Variants in ESR1 observed in about 807,000 individuals in gnomAD.
ESR1 encodes estrogen receptor 1, also known as estrogen receptor.
A neutral mutation model predicts 52.7 loss-of-function variants in ESR1; 12 were observed. That is an observed-to-expected ratio of 0.23 (90% CI 0.15 to 0.37). ESR1 has a LOEUF of 0.37. ESR1 is among the 10% of genes least tolerant of loss of function. The pLI is 1.00. For missense variants in ESR1, 584 were observed against 779.7 expected (o/e 0.75, Z 2.99); for synonymous variants, 305 against 316.8 (o/e 0.96, Z 0.39).
At position 151,752,820 on chromosome 6, in the gene ESR1, C is replaced by T. The variant is rs562798972; in HGVS notation, c.-71+50815C>T. Among the ~76,000 whole-genome samples the T allele has an allele frequency of 1.1e-4, 16 of 152,226 alleles. No individual in the cohort carries two copies. The South Asian group carries it at 3.1e-3, about 30-fold the overall frequency. On this transcript the variant is annotated intron_variant, in intron 2 of 2. Coordinates refer to the ESR1 transcript ENST00000404742. ...CTTTCTCTGATTTACTGCTTTTTCT[C>T]TTTTAGAGGATATTGTAGGAGAAAA...
At chr6:152,011,282 A>G (rs559353458) in intron 4 of ESR1, among the ~76,000 whole-genome samples, 1 of 152,266 alleles carries the variant, frequency 6.6e-6, no homozygotes, top group Admixed American at 6.5e-5. Flanking sequence ...TAAATTTCTT[A>G]GCACCTTAGC....
chr6:151,920,905 C>A (rs2031521548), intron 3 of ESR1, among the ~76,000 whole-genome samples: 1 of 151,970 alleles, frequency 6.6e-6, no homozygotes, highest in South Asian at 2.1e-4. Flanking sequence ...TTGGAAGAAG[C>A]CATTTTGTGC....
chr6:151,782,314 T>A (rs1013566623), intron 2 of ESR1, among the ~76,000 whole-genome samples: 1 of 152,202 alleles, frequency 6.6e-6, no homozygotes, highest in African/African-American at 2.4e-5. Flanking sequence ...GAAACAAGAA[T>A]GTGTTTTTAT....
At chr6:151,901,622 T>G (rs1203722860) in intron 3 of ESR1, among the ~76,000 whole-genome samples, 1 of 152,218 alleles carries the variant, frequency 6.6e-6, no homozygotes, top group Non-Finnish European at 1.5e-5. Context: ...TCCCCTTGCT[T>G]TCTCTACCCT....
chr6:151,717,039 G>A (rs1055783947), intron 2 of ESR1, among the ~76,000 whole-genome samples: 9 of 152,224 alleles, frequency 5.9e-5, no homozygotes, highest in Non-Finnish European at 1.0e-4. Flanking sequence ...CATGGGAAAA[G>A]TGTAGTATCT....
chr6:152,064,311 A>G (rs1262409208), intron 6 of ESR1, among the ~76,000 whole-genome samples: 1 of 152,228 alleles, frequency 6.6e-6, no homozygotes, highest in African/African-American at 2.4e-5. Context: ...GGAGCTGCAA[A>G]GGGGGCCATG....
rs758989283 is a variant in ESR1, at chr6:152,096,662, C to G, written c.1554-2070C>G. On this transcript the variant is annotated intron_variant, in intron 7 of 7. Transcript: ENST00000206249. The stretch of plus-strand genomic sequence containing the variant: ...GATTGCAATCTCTGTTCTCAGGGTT[C>G]CCCAAGGATTCCTGTGTAACAGATG... The G allele has an allele frequency of 6.1e-5, 28 of 455,840 alleles. No homozygotes were observed. In the Middle Eastern group the frequency reaches 9.7e-4, roughly 16 times the overall value. 28.2% of individuals were successfully genotyped at this position (455,840 alleles called of 1,614,324 possible).
chr6:151,747,123 G>A (rs1048852803), intron 2 of ESR1, among the ~76,000 whole-genome samples: 1 of 152,096 alleles, frequency 6.6e-6, no homozygotes, highest in Non-Finnish European at 1.5e-5. Context: ...TTAAAATGTG[G>A]ACTAATCAAT....
intron 6 of ESR1, among the ~76,000 whole-genome samples, chr6:152,081,662 G>A (rs763631165): frequency 6.6e-5 from 10 of 151,512 alleles, no homozygotes; most frequent in South Asian, 2.1e-4. Context: ...ACAAAAAGCC[G>A]TTCAAAAAAT....
chr6:151,731,360 G>GAA (rs75318062), intron 2 of ESR1, among the ~76,000 whole-genome samples: 1 of 140,588 alleles, frequency 7.1e-6, no homozygotes, highest in African/African-American at 2.6e-5. Flanking sequence ...CATCTCTCAA[G>GAA]AAAAAAAAAA....
chr6:152,123,286 G>A (rs1239408044), intron 6 of ESR1, among the ~76,000 whole-genome samples: 4 of 152,158 alleles, frequency 2.6e-5, no homozygotes, highest in African/African-American at 4.8e-5. Context: ...AAAGCTGTAC[G>A]AACAAGGAAT....
At chr6:151,760,475 G>C (rs1784586493) in intron 2 of ESR1, among the ~76,000 whole-genome samples, 1 of 152,136 alleles carries the variant, frequency 6.6e-6, no homozygotes, top group Non-Finnish European at 1.5e-5. Context: ...TCTTTTCTCT[G>C]TGTTTCCATC....
chr6:151,949,593 G>A (rs1446421942), intron 4 of ESR1, among the ~76,000 whole-genome samples: 3 of 152,244 alleles, frequency 2.0e-5, no homozygotes, highest in Non-Finnish European at 4.4e-5. Context: ...TATAATAAGA[G>A]CCTTAGGATT....
rs872921 is a variant in ESR1, at chr6:151,807,804, C to A, written c.-109C>A. On this transcript the variant is annotated 5_prime_UTR_variant, in exon 1 of 8. It adds an upstream start codon to the 5' untranslated region. Coordinates refer to ENST00000206249, the MANE Select transcript of ESR1 (RefSeq NM_000125.4). ...AGCTCGCGTGTCGGCGGGACATGCG[C>A]TGCGTCGCCTCTAACCTCGGGCTGT... is the stretch of plus-strand genomic sequence containing the variant. The A allele has an allele frequency of 9.8e-7, 1 of 1,021,068 alleles. No homozygotes were observed. The highest frequency in any genetic ancestry group is 1.5e-6 in the Non-Finnish European group (1 of 674,678). The allele number at this position is 1,021,068 out of a possible 1,614,324, so 63.3% of individuals were successfully genotyped here. A position where few individuals can be genotyped will look rare whatever the true frequency, so the allele number is the denominator to read the frequency against.
chr6:151,842,844 C>G (rs1452120572), intron 2 of ESR1, 57 bp downstream of exon 2: 1 of 1,469,394 alleles, frequency 6.8e-7, no homozygotes, highest in African/African-American at 1.4e-5. Flanking sequence ...ATCCTAAGAG[C>G]CAAAGCGACT....
chr6:151,689,118 C>T (rs1023162718), upstream of ESR1, among the ~76,000 whole-genome samples: 8 of 152,122 alleles, frequency 5.3e-5, no homozygotes, highest in African/African-American at 1.2e-4. Context: ...ATGTAATTTT[C>T]ATCTCTGTAT....
chr6:151,897,896 C>T (rs568271311), intron 3 of ESR1, among the ~76,000 whole-genome samples: 3 of 152,138 alleles, frequency 2.0e-5, no homozygotes, highest in South Asian at 2.1e-4. Flanking sequence ...TTGGTAGTGG[C>T]GAATTCTCTT....
In ESR1 at chr6:151,821,430, A is replaced by T. The variant is rs561858146; in HGVS notation, c.452+13066A>T. Reference sequence around the variant, plus strand: ...GTCGGTGTTAGTTCTCTAGTGATGAATTATTTCCTATACTTCCATTTAGAT... The same window carrying T: ...GTCGGTGTTAGTTCTCTAGTGATGATTTATTTCCTATACTTCCATTTAGAT... On this transcript the variant is annotated intron_variant, in intron 1 of 7. Coordinates refer to ENST00000206249, the MANE Select transcript of ESR1 (RefSeq NM_000125.4). Among the ~76,000 whole-genome samples, 3 of 152,334 alleles carry T rather than the reference A, an allele frequency of 2.0e-5. No homozygotes were observed. In the East Asian group the frequency reaches 5.8e-4, roughly 29 times the overall value.
At chr6:152,045,755 A>G (rs2046182811) in intron 5 of ESR1, among the ~76,000 whole-genome samples, 1 of 152,158 alleles carries the variant, frequency 6.6e-6, no homozygotes, top group Admixed American at 6.5e-5. Context: ...CGCCTAACCT[A>G]TGAGGTTGGT....
Sources: gnomAD v4.1 joint callset for allele counts (sites outside exome capture counted in the v4.1 genomes callset) on GRCh38, gnomAD v4.1.1 for gene constraint, MANE v1.5 for transcripts, NCBI Gene and HGNC (gene_info 2026-07-23, HGNC 2026-07-21) for gene names.